The following IWS1 variants were observed in gnomAD, a reference collection of about 807,000 sequenced individuals.
The protein encoded by IWS1 is interacts with SUPT6H, CTD assembly factor 1, also known as protein IWS1 homolog.
Under a neutral mutation model 86.7 loss-of-function variants are expected in IWS1, and 27 were observed. The observed-to-expected ratio is 0.31, with a 90% CI of 0.23 to 0.43. The LOEUF is 0.43. IWS1 is among the 20% of genes least tolerant of loss of function. The probability of loss-of-function intolerance (pLI) is 1.00; values close to 1 mark genes in which losing one functional copy is unlikely to be tolerated. For synonymous variants in IWS1, 313 were observed against 335.1 expected, an observed-to-expected ratio of 0.93 and a Z score of 0.72; for missense variants, 827 against 1,000.8, an observed-to-expected ratio of 0.83 and a Z score of 2.34.
intron 2 of IWS1, chr2:127,514,831 G>A (rs1691683985): frequency 6.6e-6 from 1 of 152,296 alleles, no homozygotes; most frequent in Admixed American, 6.5e-5. Context: ...CTTGCCTGCA[G>A]AGGCCGGTAG....
At chr2:127,495,120 C>T (rs1690447091) in intron 7 of IWS1, among the ~76,000 whole-genome samples, 166 bp from the exon 8 acceptor site, 1 of 152,148 alleles carries the variant, frequency 6.6e-6, no homozygotes, top group South Asian at 2.1e-4. Context: ...AGCTCTGTAT[C>T]TGTCTATGTC....
At chr2:127,515,885 A>G (rs1437682721) in intron 2 of IWS1, among the ~76,000 whole-genome samples, 1 of 152,166 alleles carries the variant, frequency 6.6e-6, no homozygotes, top group Admixed American at 6.5e-5. Context: ...GCAGGGCATC[A>G]GCATCTCTCA....
chr2:127,491,906 T>C, intron 10 of IWS1, 65 bp downstream of exon 10: 3 of 936,488 alleles, frequency 3.2e-6, no homozygotes, highest in Admixed American at 1.8e-5. Flanking sequence ...ACAGCTTTTA[T>C]ATATACGCAT....
Position 127,480,978 on chromosome 2 carries a change from C to T in IWS1, c.*66G>A. The T allele has an allele frequency of 6.6e-7, 1 of 1,522,758 alleles. No individual in the cohort carries two copies. Among genetic ancestry groups the T allele is most frequent in the Non-Finnish European group, 8.8e-7 (1 of 1,133,180 alleles). 94.3% of individuals were successfully genotyped at this position (1,522,758 alleles called of 1,614,324 possible). The stretch of plus-strand genomic sequence containing the variant: ...ACACACTAAAAATGTTTTAAAATAT[C>T]TTCTTTCTCCAAAGAGTCCATTGCG... On this transcript the variant is annotated 3_prime_UTR_variant, in exon 14 of 14. Transcript: ENST00000295321.
intron 1 of IWS1, among the ~76,000 whole-genome samples, chr2:127,524,541 C>CTTT (rs111899416): frequency 6.9e-6 from 1 of 144,980 alleles, no homozygotes; most frequent in Non-Finnish European, 1.5e-5. Flanking sequence ...CATATAATTA[C>CTTT]TTTTTTTTTT....
chr2:127,526,156 C>T lies in IWS1; in HGVS notation c.34+19G>A, dbSNP rs1385820972. ...AACTGCTCCGCCTCCCAGCCCGGTCCCCCAGGTCCCTGCCCCACCTGACTG... is the reference window on the plus strand; with the variant it reads ...AACTGCTCCGCCTCCCAGCCCGGTCTCCCAGGTCCCTGCCCCACCTGACTG... On this transcript the variant is annotated intron_variant, in intron 1 of 13. Transcript: ENST00000295321. The T allele has an allele frequency of 1.9e-6, 3 of 1,593,934 alleles. No homozygotes were observed. Among genetic ancestry groups the T allele is most frequent in the African/African-American group, 2.7e-5 (2 of 74,424 alleles).
Position 127,526,078 on chromosome 2 carries a change from C to T in IWS1, c.34+97G>A, listed in dbSNP as rs925284138. 179 of 1,227,712 alleles carry T rather than the reference C, an allele frequency of 1.5e-4. 1 individual carries two copies. Among genetic ancestry groups the T allele is most frequent in the Admixed American group, 1.4e-4 (6 of 43,986 alleles). 76.1% of individuals were successfully genotyped at this position (1,227,712 alleles called of 1,614,324 possible). A position where few individuals can be genotyped will look rare whatever the true frequency, so the allele number is the denominator to read the frequency against. ...GGCCGGGTCGCGGGAGGGAAGGTTT[C>T]GGGGGGCCTCCTTGCCCCCACCCGC... is the stretch of plus-strand genomic sequence containing the variant. On this transcript the variant is annotated intron_variant, in intron 1 of 13. Coordinates refer to ENST00000295321, the MANE Select transcript of IWS1 (RefSeq NM_017969.3).
chr2:127,513,751 C>T (rs536041364), intron 2 of IWS1, among the ~76,000 whole-genome samples: 1 of 152,148 alleles, frequency 6.6e-6, no homozygotes, highest in Non-Finnish European at 1.5e-5. Context: ...CATTAATGAG[C>T]ACTGCAGAAA....
chr2:127,504,229 G>A (rs1690979075), intron 3 of IWS1, among the ~76,000 whole-genome samples: 1 of 152,180 alleles, frequency 6.6e-6, no homozygotes, highest in Admixed American at 6.5e-5. Context: ...TCCTCTCAAA[G>A]CTTCCCTGTA....
chr2:127,517,789 T>A (rs1691856464), intron 2 of IWS1, among the ~76,000 whole-genome samples: 1 of 152,226 alleles, frequency 6.6e-6, no homozygotes, highest in Non-Finnish European at 1.5e-5. Context: ...ATAGCAGCAT[T>A]ATTCATAATA....
chr2:127,504,722 G>A lies in IWS1; in HGVS notation c.1181C>T (p.Ala394Val). Reference sequence around the variant, plus strand: ...ATCTTCACTATCAGAAAGCACAGCAGCTTTTCTCTTCGCTACTTTCTCCTC... The same window carrying A: ...ATCTTCACTATCAGAAAGCACAGCAACTTTTCTCTTCGCTACTTTCTCCTC... ...GEEEKVAKRK[A>V]AVLSDSEDEE... The change falls in exon 3 of 14, where the codon GCT becomes GTT. Residue 394 changes from alanine (A) to valine (V), a missense_variant. By Grantham distance (64) the Ala-to-Val change is moderately conservative (BLOSUM62 0). Coordinates refer to ENST00000295321, the MANE Select transcript of IWS1 (RefSeq NM_017969.3). The A allele has an allele frequency of 6.2e-7, 1 of 1,611,726 alleles. No individual in the cohort carries two copies. The highest frequency in any genetic ancestry group is 8.5e-7 in the Non-Finnish European group (1 of 1,179,068).
At chr2:127,484,866 A>C (rs1037685257) in intron 13 of IWS1, among the ~76,000 whole-genome samples, 3 of 152,096 alleles carry the variant, frequency 2.0e-5, no homozygotes, top group Non-Finnish European at 2.9e-5. Flanking sequence ...GCATGGTGGC[A>C]GGAGCCTGTA....
Position 127,503,403 on chromosome 2 carries a change from A to C in IWS1, c.1393T>G (p.Ser465Ala), listed in dbSNP as rs773458304. Residue 465 changes from serine (S) to alanine (A), a missense_variant, in exon 4 of 14, where the codon TCA becomes GCA. Coordinates refer to ENST00000295321, the MANE Select transcript of IWS1 (RefSeq NM_017969.3). ...GTCACTTACTCTTCTTCATTGCCTG[A>C]CTCACTGTCACTCCCAAACAGATCC... The part of the protein sequence containing the change: ...EKDLFGSDSE[S>A]GNEEENLIAD... 8 of 1,611,164 alleles carry C rather than the reference A, an allele frequency of 5.0e-6. No homozygotes were observed. Among genetic ancestry groups the C allele is most frequent in the Non-Finnish European group, 6.8e-6 (8 of 1,178,654 alleles).
intron 6 of IWS1, 142 bp downstream of exon 6, chr2:127,497,998 C>A: frequency 1.7e-6 from 1 of 597,202 alleles, no homozygotes; most frequent in African/African-American, 2.0e-5. Flanking sequence ...AATTCACTGA[C>A]AACACCGTAA....
At chr2:127,487,278 T>C (rs570669859) in intron 12 of IWS1, among the ~76,000 whole-genome samples, 3 of 152,364 alleles carry the variant, frequency 2.0e-5, no homozygotes, top group South Asian at 4.1e-4. Context: ...AGGATACTGA[T>C]GTTGATACAG....
chr2:127,523,060 A>T (rs1256021224), intron 2 of IWS1, among the ~76,000 whole-genome samples: 1 of 152,064 alleles, frequency 6.6e-6, no homozygotes, highest in East Asian at 1.9e-4. Flanking sequence ...GAAAACAAAA[A>T]TAGCTGGACG....
chr2:127,498,488 T>C (rs147424672), intron 5 of IWS1, among the ~76,000 whole-genome samples: 1,647 of 152,308 alleles, frequency 0.011, 18 homozygotes, highest in Non-Finnish European at 0.014. Flanking sequence ...AACTGAAGCA[T>C]ACTATTCAGA....
intron 5 of IWS1, among the ~76,000 whole-genome samples, chr2:127,500,138 C>G (rs748134036): frequency 3.3e-5 from 5 of 152,050 alleles, no homozygotes; most frequent in African/African-American, 4.8e-5. Flanking sequence ...CACTTTTGTT[C>G]ATCAGAAGAC....
chr2:127,499,156 T>C lies in IWS1; in HGVS notation c.1468-919A>G, dbSNP rs1258680451. ...CCCAGGCCAGAGTGCAGTGGCGTGA[T>C]CTCGGCTCACTGCAAGCTCCACCTC... On this transcript the variant is annotated intron_variant, in intron 5 of 13. Transcript: ENST00000295321. This position sits in a 1 kb window ranked among gnomAD's most constrained non-coding sequence, Gnocchi z 4.0. Among the ~76,000 whole-genome samples, 2 of 151,180 alleles carry C rather than the reference T, an allele frequency of 1.3e-5. No individual in the cohort carries two copies. Among genetic ancestry groups the C allele is most frequent in the African/African-American group, 4.9e-5 (2 of 41,036 alleles).
Sources: gnomAD v4.1 joint callset for allele counts (sites outside exome capture counted in the v4.1 genomes callset) on GRCh38, gnomAD v4.1.1 for gene constraint, Gnocchi (gnomAD v3.1) non-coding constraint, MANE v1.5 for transcripts, NCBI Gene and HGNC (gene_info 2026-07-23, HGNC 2026-07-21) for gene names.